ADCY2: variants seen among roughly 807,000 people sequenced by gnomAD.
ADCY2 encodes adenylate cyclase type 2.
A neutral mutation model predicts 125.2 loss-of-function variants in ADCY2; 31 were observed. The ratio of observed to expected loss-of-function variants is 0.25; its 90% CI spans 0.19 to 0.33. The LOEUF (loss-of-function observed/expected upper bound fraction) is 0.33. Ranked by LOEUF, ADCY2 falls within the 10% of genes least tolerant of loss-of-function variation. The pLI is 1.00. For synonymous variants in ADCY2, 512 were observed against 548.4 expected (o/e 0.93, Z 0.93); for missense variants, 904 against 1,418.2 (o/e 0.64, Z 5.82).
At chr5:7,523,143 A>G (rs1744519169) in intron 3 of ADCY2, among the ~76,000 whole-genome samples, 1 of 152,178 alleles carries the variant, frequency 6.6e-6, no homozygotes, top group Non-Finnish European at 1.5e-5. Flanking sequence ...AGGACAAAAA[A>G]TATTTCAGAA....
chr5:7,811,362 G>A (rs940829646), intron 22 of ADCY2, among the ~76,000 whole-genome samples: 11 of 152,038 alleles, frequency 7.2e-5, no homozygotes, highest in Non-Finnish European at 1.2e-4. Flanking sequence ...TGAGCCGGGC[G>A]TGGTGGCAGG....
intron 3 of ADCY2, among the ~76,000 whole-genome samples, chr5:7,603,252 G>T (rs1024158906): frequency 6.6e-6 from 1 of 152,176 alleles, no homozygotes; most frequent in Non-Finnish European, 1.5e-5. Flanking sequence ...GATGTTCAGC[G>T]TCTGTAGTGG....
chr5:7,772,789 C>T, intron 17 of ADCY2, 143 bp from the exon 18 acceptor site: 2 of 685,896 alleles, frequency 2.9e-6, no homozygotes, highest in Non-Finnish European at 4.7e-6. Context: ...ACCACTGGAT[C>T]AAAGATGAGA....
In ADCY2 at chr5:7,802,412, A is replaced by C; in HGVS notation, c.2775+48A>C. The C allele has an allele frequency of 1.3e-6, 2 of 1,586,024 alleles. No homozygotes were observed. Among genetic ancestry groups the C allele is most frequent in the Non-Finnish European group, 1.7e-6 (2 of 1,165,274 alleles). On this transcript the variant is annotated intron_variant, in intron 21 of 24. Transcript: ENST00000338316. This position sits in a 1 kb window ranked among gnomAD's most constrained non-coding sequence, Gnocchi z 4.6. ...GAAGGGCAGCAGTACACTCAGTCTC[A>C]CACCTGTGCACTTGAAGTTACTTCA...
chr5:7,762,191 T>C (rs1476058914), intron 16 of ADCY2, among the ~76,000 whole-genome samples: 3 of 152,238 alleles, frequency 2.0e-5, no homozygotes, highest in Admixed American at 6.5e-5. Flanking sequence ...TTTGTGTTGA[T>C]ACCTGGTGCC....
intron 19 of ADCY2, among the ~76,000 whole-genome samples, chr5:7,788,985 A>G (rs550606228): frequency 1.3e-5 from 2 of 152,366 alleles, no homozygotes; most frequent in East Asian, 3.9e-4. Flanking sequence ...CTACAATGTT[A>G]GTAATAACTA....
At chr5:7,668,440 A>G (rs576340078) in intron 4 of ADCY2, among the ~76,000 whole-genome samples, 53 of 152,320 alleles carry the variant, frequency 3.5e-4, no homozygotes, top group African/African-American at 1.2e-3. Context: ...CTCTCTCTCA[A>G]TAGACAGATA....
At position 7,656,279 on chromosome 5, in the gene ADCY2, C is replaced by CCTGA. The variant is rs1739323339; in HGVS notation, c.720+29965_720+29968dup. Among the ~76,000 whole-genome samples the CCTGA allele has an allele frequency of 4.6e-5, 7 of 152,282 alleles. No homozygotes were observed. In the South Asian group the frequency reaches 1.5e-3, roughly 32 times the overall value. On this transcript the variant is annotated intron_variant, in intron 4 of 24. Coordinates refer to ENST00000338316, the MANE Select transcript of ADCY2 (RefSeq NM_020546.3). ...ATGTTTGTCAGGCTGGTCTCGAACTCCTGACCTCAGGTGATCTGTCTGCCT... is the reference window on the plus strand; with the variant it reads ...ATGTTTGTCAGGCTGGTCTCGAACTCCTGACTGACCTCAGGTGATCTGTCTGCCT...
At chr5:7,824,992 A>G (rs1183888489) in intron 24 of ADCY2, among the ~76,000 whole-genome samples, 2 of 152,100 alleles carry the variant, frequency 1.3e-5, no homozygotes, top group East Asian at 3.9e-4. Flanking sequence ...ACACACCACA[A>G]CCAAAATTGT....
chr5:7,518,791 GT>G (rs1240770050), intron 2 of ADCY2, among the ~76,000 whole-genome samples: 6 of 152,134 alleles, frequency 3.9e-5, no homozygotes, highest in Admixed American at 2.6e-4. Context: ...AGTCCACCCT[GT>G]TGTCTCCTCC....
chr5:7,629,022 C>T (rs987217287), intron 4 of ADCY2, among the ~76,000 whole-genome samples: 11 of 152,336 alleles, frequency 7.2e-5, no homozygotes, highest in African/African-American at 2.2e-4. Flanking sequence ...AACCACCTTT[C>T]GCTTCATCCA....
At chr5:7,737,794 A>G (rs1742291241) in intron 14 of ADCY2, among the ~76,000 whole-genome samples, 1 of 152,200 alleles carries the variant, frequency 6.6e-6, no homozygotes, top group South Asian at 2.1e-4. Flanking sequence ...CATTAAATGC[A>G]CCCACAAAAA....
intron 20 of ADCY2, chr5:7,794,294 G>A (rs1744350937): frequency 6.6e-6 from 1 of 152,116 alleles, no homozygotes; most frequent in African/African-American, 2.4e-5. Flanking sequence ...TGGGGGTGAT[G>A]GCTACTCTAG....
chr5:7,805,131 CAT>C (rs1362868246), intron 22 of ADCY2, among the ~76,000 whole-genome samples: 3 of 149,936 alleles, frequency 2.0e-5, no homozygotes, highest in African/African-American at 7.4e-5. Context: ...ACCTGGGCAA[CAT>C]AGTGAAACCC....
chr5:7,756,755 A>C (rs187819479), intron 15 of ADCY2, among the ~76,000 whole-genome samples: 1 of 152,236 alleles, frequency 6.6e-6, no homozygotes, highest in East Asian at 1.9e-4. Context: ...GAGATGTTAC[A>C]CAACAATGTG....
chr5:7,628,832 A>C (rs899702390), intron 4 of ADCY2, among the ~76,000 whole-genome samples: 4 of 152,136 alleles, frequency 2.6e-5, no homozygotes, highest in Admixed American at 1.3e-4. Flanking sequence ...TAAAAAAAAA[A>C]AAAAACCATC....
intron 3 of ADCY2, among the ~76,000 whole-genome samples, chr5:7,570,591 G>C (rs1736035504): frequency 7.0e-6 from 1 of 143,224 alleles, no homozygotes; most frequent in African/African-American, 2.6e-5. Context: ...ATAATACATA[G>C]CTATGTAAGC....
intron 15 of ADCY2, among the ~76,000 whole-genome samples, chr5:7,751,553 GA>G (rs1394309625): frequency 6.6e-6 from 1 of 152,058 alleles, no homozygotes; most frequent in Non-Finnish European, 1.5e-5. Context: ...CTTCAATTTG[GA>G]ATTCTTATTA....
At chr5:7,660,812 C>A (rs1478271643) in intron 4 of ADCY2, among the ~76,000 whole-genome samples, 1 of 151,960 alleles carries the variant, frequency 6.6e-6, no homozygotes, top group East Asian at 1.9e-4. Flanking sequence ...TTCACAGTGA[C>A]ATCTATACTA....
Sources: allele counts gnomAD v4.1 joint callset (sites outside exome capture counted in the v4.1 genomes callset), GRCh38; gene constraint gnomAD v4.1.1; non-coding constraint Gnocchi (gnomAD v3.1); transcripts MANE v1.5; gene names NCBI Gene and HGNC (gene_info 2026-07-23, HGNC 2026-07-21).